The following TTC28 variants were observed in gnomAD, a reference collection of about 807,000 sequenced individuals.
TTC28 encodes the protein tetratricopeptide repeat protein 28.
Under a neutral mutation model 198.0 loss-of-function variants are expected in TTC28, and 61 were observed. That is an observed-to-expected ratio of 0.31 (90% confidence interval 0.25 to 0.38). The LOEUF is 0.38. TTC28 is among the 10% of genes least tolerant of loss of function. The pLI is 1.00. For synonymous variants in TTC28, 1,171 were observed against 1,297.8 expected (o/e 0.90, Z 2.10); for missense variants, 2,678 against 3,164.0 (o/e 0.85, Z 3.69).
At chr22:28,497,492 A>T (rs1441328595) in intron 2 of TTC28, among the ~76,000 whole-genome samples, 1 of 152,020 alleles carries the variant, frequency 6.6e-6, no homozygotes, top group Non-Finnish European at 1.5e-5. Flanking sequence ...AAACTTTTTT[A>T]AAAACACGGA....
chr22:28,539,549 T>C (rs1227525205), intron 2 of TTC28, among the ~76,000 whole-genome samples: 1 of 151,750 alleles, frequency 6.6e-6, no homozygotes, highest in Non-Finnish European at 1.5e-5. Context: ...GGCGTGAGGA[T>C]TGCTTGAGCC....
At chr22:28,655,237 G>A (rs1475089685) in intron 1 of TTC28, among the ~76,000 whole-genome samples, 1 of 152,136 alleles carries the variant, frequency 6.6e-6, no homozygotes, top group African/African-American at 2.4e-5. Context: ...ATAGATTACA[G>A]ACTATCTTGA....
intron 2 of TTC28, among the ~76,000 whole-genome samples, chr22:28,531,945 C>T (rs938880413): frequency 3.3e-5 from 5 of 152,098 alleles, no homozygotes; most frequent in Admixed American, 6.6e-5. Flanking sequence ...TAAATGCCCA[C>T]AAGAGAAAGC....
intron 5 of TTC28, among the ~76,000 whole-genome samples, chr22:28,287,382 C>T (rs2044705028): frequency 6.6e-6 from 1 of 152,092 alleles, no homozygotes; most frequent in African/African-American, 2.4e-5. Context: ...GATATACAAA[C>T]ATTTTCTTAA....
At chr22:28,019,893 G>C (rs1938522999) in intron 13 of TTC28, among the ~76,000 whole-genome samples, 1 of 152,240 alleles carries the variant, frequency 6.6e-6, no homozygotes, top group Non-Finnish European at 1.5e-5. Flanking sequence ...TGCCCATTTA[G>C]GAATGAAGAC....
intron 1 of TTC28, among the ~76,000 whole-genome samples, chr22:28,678,990 G>GGTA (rs1460966003): frequency 6.6e-6 from 1 of 152,316 alleles, no homozygotes; most frequent in South Asian, 2.1e-4. Flanking sequence ...CAAGGGTGGG[G>GGTA]GTAAGCTCGA....
chr22:28,248,650 T>C (rs1307890345), intron 5 of TTC28, among the ~76,000 whole-genome samples: 1 of 152,052 alleles, frequency 6.6e-6, no homozygotes, highest in Non-Finnish European at 1.5e-5. Context: ...CACAATGGAG[T>C]TGCTTACTCA....
chr22:28,679,552 G>A (rs1365473054), intron 1 of TTC28, 70 bp downstream of exon 1: 1 of 1,087,242 alleles, frequency 9.2e-7, no homozygotes, highest in Non-Finnish European at 1.3e-6. Context: ...TGCCGCTGAG[G>A]CCCGGCCCGG....
intron 6 of TTC28, among the ~76,000 whole-genome samples, chr22:28,144,727 A>T (rs1943424047): frequency 6.6e-6 from 1 of 152,268 alleles, no homozygotes; most frequent in Admixed American, 6.5e-5. Flanking sequence ...AGCACTAGGA[A>T]TACAAATGCA....
chr22:28,660,034 A>G lies in TTC28; in HGVS notation c.102+19588T>C, dbSNP rs369497194. Among the ~76,000 whole-genome samples the G allele has an allele frequency of 2.4e-4, 37 of 152,204 alleles. No homozygotes were observed. The South Asian group carries it at 7.7e-3, about 32-fold the overall frequency. ...GACCTTGAACTCCTGGGCTCAGGCG[A>G]TCCTCTCATCTTGGCCTCCCAAAGT... On this transcript the variant is annotated intron_variant, in intron 1 of 22. Transcript: ENST00000397906.
intron 9 of TTC28, 115 bp from the exon 10 acceptor site, chr22:28,099,159 G>C: frequency 7.2e-7 from 1 of 1,389,096 alleles, no homozygotes; most frequent in East Asian, 2.5e-5. Context: ...ATTTTTTACA[G>C]ATTTGAAAGG....
intron 6 of TTC28, among the ~76,000 whole-genome samples, chr22:28,127,894 ATTT>A (rs35611269): frequency 2.9e-5 from 4 of 137,636 alleles, no homozygotes; most frequent in Non-Finnish European, 4.7e-5. Flanking sequence ...TGCCTGGCTA[ATTT>A]TTTTTTTTTT....
At chr22:28,043,560 C>T (rs1939749615) in intron 12 of TTC28, among the ~76,000 whole-genome samples, 1 of 152,064 alleles carries the variant, frequency 6.6e-6, no homozygotes, top group Non-Finnish European at 1.5e-5. Flanking sequence ...CGGGAGGTGC[C>T]AAATGAAGCA....
chr22:28,586,873 T>C (rs1382681247), intron 2 of TTC28, among the ~76,000 whole-genome samples: 6 of 152,226 alleles, frequency 3.9e-5, no homozygotes, highest in Admixed American at 1.3e-4. Flanking sequence ...TACAAATATA[T>C]GAAGTGTACC....
rs10656307 is a variant in TTC28 at position 28,302,039 on chromosome 22, AAATAAT to A, written c.530-4193_530-4188del. On this transcript the variant is annotated intron_variant, in intron 3 of 22. Coordinates refer to ENST00000397906, the MANE Select transcript of TTC28 (RefSeq NM_001145418.2). ...GGTGGCAGAGTGAGATCCTGTCTCA[AAATAAT>A]AATAATAATAATAATAATAATATAA... Among the ~76,000 whole-genome samples the A allele has an allele frequency of 1.3e-3, 183 of 145,608 alleles. 1 individual carries two copies. The highest frequency in any genetic ancestry group is 3.0e-3 in the African/African-American group (119 of 39,962).
intron 2 of TTC28, among the ~76,000 whole-genome samples, chr22:28,331,546 T>G (rs1233934388): frequency 6.6e-6 from 1 of 152,136 alleles, no homozygotes; most frequent in Non-Finnish European, 1.5e-5. Context: ...TGTATATACA[T>G]ATAGCCTAAT....
At chr22:28,158,574 A>T (rs1282603245) in intron 6 of TTC28, among the ~76,000 whole-genome samples, 1 of 152,210 alleles carries the variant, frequency 6.6e-6, no homozygotes, top group Non-Finnish European at 1.5e-5. Context: ...CACACAGACC[A>T]ATGGAACAGA....
At chr22:28,182,732 T>C (rs1283182519) in intron 5 of TTC28, among the ~76,000 whole-genome samples, 5 of 152,210 alleles carry the variant, frequency 3.3e-5, no homozygotes, top group African/African-American at 9.6e-5. Context: ...CTCAGCTCTC[T>C]GTACTTTCAC....
chr22:28,067,058 A>G (rs1036792417), intron 12 of TTC28, among the ~76,000 whole-genome samples: 3 of 152,044 alleles, frequency 2.0e-5, no homozygotes, highest in African/African-American at 7.2e-5. Flanking sequence ...GGGAACCCAA[A>G]TCCTCCTTCC....
Sources: gnomAD v4.1 joint callset for allele counts (sites outside exome capture counted in the v4.1 genomes callset) on GRCh38, gnomAD v4.1.1 for gene constraint, MANE v1.5 for transcripts, NCBI Gene and HGNC (gene_info 2026-07-23, HGNC 2026-07-21) for gene names.